The following PIK3C2G variants were observed in gnomAD, a reference collection of about 807,000 sequenced individuals.
PIK3C2G encodes phosphatidylinositol 3-kinase C2 domain-containing subunit gamma.
PIK3C2G carries 168 observed loss-of-function variants against 181.1 expected under a neutral mutation model. The observed-to-expected ratio is 0.93, with a 90% CI of 0.82 to 1.05. PIK3C2G has a LOEUF of 1.05. Ranked by LOEUF, PIK3C2G falls within the 50% of genes least tolerant of loss-of-function variation. The pLI, the probability that PIK3C2G is intolerant of heterozygous loss-of-function variation, is 0.00. For synonymous variants in PIK3C2G, 573 were observed against 592.2 expected (o/e 0.97, Z 0.47); for missense variants, 1,869 against 1,732.8 (o/e 1.08, Z -1.40).
At chr12:18,458,096 T>C (rs1186593669) in intron 18 of PIK3C2G, among the ~76,000 whole-genome samples, 1 of 152,218 alleles carries the variant, frequency 6.6e-6, no homozygotes, top group Non-Finnish European at 1.5e-5. Flanking sequence ...CTTCCTGTTC[T>C]TATTTACTAC....
the PIK3C2G span, among the ~76,000 whole-genome samples, chr12:18,679,263 A>T: frequency 7.8e-3 from 1,185 of 152,054 alleles, 8 homozygotes; most frequent in Middle Eastern, 0.024. Context: ...TTTCATTATG[A>T]TGTATTCAAA....
downstream of PIK3C2G, among the ~76,000 whole-genome samples, chr12:18,650,710 A>G (rs962261717): frequency 0.084 from 552 of 6,556 alleles, 15 homozygotes; most frequent in African/African-American, 0.18. Context: ...GTGTGTATAT[A>G]TCTATATATA....
At position 18,322,239 on chromosome 12, in the gene PIK3C2G, G is replaced by A. The variant is rs766150796; in HGVS notation, c.1208+1207G>A. Reference sequence around the variant, plus strand: ...TCTATTAAAAATACAAAAATTAGCCGGGCATGGTGGCATGTGCCTGTAGTC... The same window carrying A: ...TCTATTAAAAATACAAAAATTAGCCAGGCATGGTGGCATGTGCCTGTAGTC... On this transcript the variant is annotated intron_variant, in intron 7 of 32. Transcript: ENST00000538779. Among the ~76,000 whole-genome samples the A allele has an allele frequency of 5.3e-5, 8 of 151,736 alleles. 1 individual carries two copies. Among genetic ancestry groups the A allele is most frequent in the Middle Eastern group, 3.2e-3 (1 of 316 alleles).
At chr12:18,605,899 T>C (rs1331999224) in intron 30 of PIK3C2G, among the ~76,000 whole-genome samples, 3 of 152,150 alleles carry the variant, frequency 2.0e-5, no homozygotes, top group Non-Finnish European at 2.9e-5. Context: ...CCGTTTATTG[T>C]CTCTATGACC....
At chr12:18,688,739 A>G in the PIK3C2G span, among the ~76,000 whole-genome samples, 1 of 152,038 alleles carries the variant, frequency 6.6e-6, no homozygotes, top group Non-Finnish European at 1.5e-5. Context: ...TTGTATTTAA[A>G]CTTGTATTTG....
intron 16 of PIK3C2G, among the ~76,000 whole-genome samples, chr12:18,419,766 G>A (rs1945374131): frequency 6.6e-6 from 1 of 152,146 alleles, no homozygotes; most frequent in Admixed American, 6.6e-5. Context: ...AAAATGCTCA[G>A]TTTAATGAAG....
At chr12:18,255,225 AAATAAAT>A (rs766888136) in intron 1 of PIK3C2G, among the ~76,000 whole-genome samples, 1,157 of 115,068 alleles carry the variant, frequency 0.01, 12 homozygotes, top group African/African-American at 0.047. Context: ...AAAAATAAAT[AAATAAAT>A]AAATAAATAA....
chr12:18,405,571 T>C (rs1944482434), intron 16 of PIK3C2G, among the ~76,000 whole-genome samples: 1 of 147,342 alleles, frequency 6.8e-6, no homozygotes, highest in African/African-American at 2.5e-5. Context: ...GAAAATAAAC[T>C]GAAAAAAAAG....
At chr12:18,617,707 C>G (rs989648051) in intron 31 of PIK3C2G, among the ~76,000 whole-genome samples, 23 of 152,116 alleles carry the variant, frequency 1.5e-4, no homozygotes, top group African/African-American at 5.3e-4. Flanking sequence ...TCATCAAAAA[C>G]AGTTTCCAGC....
intron 23 of PIK3C2G, among the ~76,000 whole-genome samples, chr12:18,504,156 A>C (rs1390868994): frequency 6.6e-6 from 1 of 152,172 alleles, no homozygotes; most frequent in African/African-American, 2.4e-5. Context: ...ACCTGGGTAA[A>C]CTGGGATGAT....
chr12:18,598,888 C>T (rs1201947709), intron 30 of PIK3C2G, among the ~76,000 whole-genome samples: 25 of 151,864 alleles, frequency 1.6e-4, no homozygotes, highest in Non-Finnish European at 1.8e-4. Context: ...CCAAAAAACA[C>T]ATGAGAAAAT....
At chr12:18,532,523 A>G (rs964028818) in intron 24 of PIK3C2G, among the ~76,000 whole-genome samples, 1 of 152,068 alleles carries the variant, frequency 6.6e-6, no homozygotes, top group Non-Finnish European at 1.5e-5. Flanking sequence ...GGTCGTTTAT[A>G]TTTTTACATA....
chr12:18,713,653 T>C, the PIK3C2G span: 1 of 152,240 alleles, frequency 6.6e-6, no homozygotes, highest in Admixed American at 6.6e-5. Context: ...AAAATCAAGG[T>C]TTATGCAAAG....
At chr12:18,712,028 G>A in the PIK3C2G span, among the ~76,000 whole-genome samples, 3 of 152,052 alleles carry the variant, frequency 2.0e-5, no homozygotes, top group African/African-American at 4.8e-5. Flanking sequence ...GACAGATTAT[G>A]TAATGTATTG....
chr12:18,642,913 A>G (rs1413832817), intron 32 of PIK3C2G, among the ~76,000 whole-genome samples: 1 of 151,792 alleles, frequency 6.6e-6, no homozygotes, highest in Non-Finnish European at 1.5e-5. Flanking sequence ...TGACACTATT[A>G]TTTGTCATGA....
At chr12:18,444,865 T>C (rs1946940987) in intron 18 of PIK3C2G, among the ~76,000 whole-genome samples, 2 of 152,196 alleles carry the variant, frequency 1.3e-5, no homozygotes, top group Non-Finnish European at 2.9e-5. Flanking sequence ...GATGCTTTTG[T>C]ATAATTTTAG....
intron 18 of PIK3C2G, among the ~76,000 whole-genome samples, chr12:18,436,172 T>C (rs1181735242): frequency 6.6e-6 from 1 of 152,066 alleles, no homozygotes; most frequent in Non-Finnish European, 1.5e-5. Flanking sequence ...CTACTTCACA[T>C]CATTGTTACA....
At chr12:18,513,679 TTTC>T (rs750253565) in intron 24 of PIK3C2G, among the ~76,000 whole-genome samples, 3 of 151,770 alleles carry the variant, frequency 2.0e-5, no homozygotes, top group African/African-American at 7.2e-5. Flanking sequence ...TTGAATAGTC[TTTC>T]TTTTTTTCCT....
chr12:18,403,844 T>G (rs1944381176), intron 16 of PIK3C2G, among the ~76,000 whole-genome samples: 1 of 152,190 alleles, frequency 6.6e-6, no homozygotes, highest in African/African-American at 2.4e-5. Flanking sequence ...CTGTGGTTCC[T>G]GGCAGATGGT....
Sources: allele counts gnomAD v4.1 joint callset (sites outside exome capture counted in the v4.1 genomes callset), GRCh38; gene constraint gnomAD v4.1.1; transcripts MANE v1.5; gene names NCBI Gene and HGNC (gene_info 2026-07-23, HGNC 2026-07-21).